Variants in SEPSECS observed in about 807,000 individuals in gnomAD.
SEPSECS encodes O-phosphoseryl-tRNA(Sec) selenium transferase.
In SEPSECS, 42 loss-of-function variants were observed where a neutral mutation model predicts 52.1. The observed-to-expected ratio is 0.81, with a 90% CI of 0.63 to 1.04. The LOEUF is 1.04. SEPSECS is among the 50% of genes least tolerant of loss of function. SEPSECS has a pLI of 0.00. For synonymous variants in SEPSECS, 216 were observed against 211.4 expected, an observed-to-expected ratio of 1.02 and a Z score of -0.19; for missense variants, 590 against 610.6, an observed-to-expected ratio of 0.97 and a Z score of 0.36.
Position 25,122,078 on chromosome 4 carries a change from C to A in SEPSECS, c.*1853G>T, listed in dbSNP as rs1164171998. Reference sequence around the variant, plus strand: ...GCTTTATTGGTTCAGCAATTTAGTCCCAAATTCTCATGAAAAATTTACACT... The same window carrying A: ...GCTTTATTGGTTCAGCAATTTAGTCACAAATTCTCATGAAAAATTTACACT... On this transcript the variant is annotated 3_prime_UTR_variant, in exon 11 of 11. Transcript: ENST00000382103. 1 of 152,072 alleles carries A rather than the reference C, an allele frequency of 6.6e-6. No individual in the cohort carries two copies. Among genetic ancestry groups the A allele is most frequent in the Non-Finnish European group, 1.5e-5 (1 of 67,978 alleles). 9.4% of individuals were successfully genotyped at this position (152,072 alleles called of 1,614,324 possible).
chr4:25,144,326 C>CA (rs34160695), intron 8 of SEPSECS, among the ~76,000 whole-genome samples: 43,461 of 83,628 alleles, frequency 0.52, 10,581 homozygotes, highest in Non-Finnish European at 0.61. Context: ...AGACTCCGCT[C>CA]AAAAAAAAAA....
intron 6 of SEPSECS, among the ~76,000 whole-genome samples, chr4:25,147,082 C>T (rs1017814350): frequency 6.6e-5 from 10 of 152,224 alleles, no homozygotes; most frequent in Non-Finnish European, 5.9e-5. Context: ...CTCACATATT[C>T]CAAGCACGCT....
chr4:25,141,186 T>C (rs568805744), intron 8 of SEPSECS, among the ~76,000 whole-genome samples: 1 of 152,278 alleles, frequency 6.6e-6, no homozygotes, highest in African/African-American at 2.4e-5. Flanking sequence ...ATTCTTGGTC[T>C]TCCTCCTCAC....
intron 8 of SEPSECS, among the ~76,000 whole-genome samples, chr4:25,141,484 C>T (rs918328459): frequency 4.6e-5 from 7 of 152,174 alleles, no homozygotes; most frequent in African/African-American, 1.4e-4. Context: ...CCTACAGCTT[C>T]CCCATCATAG....
At chr4:25,147,406 A>T (rs1712028794) in intron 6 of SEPSECS, among the ~76,000 whole-genome samples, 1 of 152,252 alleles carries the variant, frequency 6.6e-6, no homozygotes, top group Non-Finnish European at 1.5e-5. Flanking sequence ...GAACCCAGAA[A>T]GTATTTGTTG....
At position 25,156,196 on chromosome 4, in the gene SEPSECS, C is replaced by T. The variant is rs754373273; in HGVS notation, c.389-1G>A. The T allele has an allele frequency of 1.1e-5, 17 of 1,613,512 alleles. No individual in the cohort carries two copies. Among genetic ancestry groups the T allele is most frequent in the Non-Finnish European group, 1.4e-5 (17 of 1,179,708 alleles). Reference sequence around the variant, plus strand: ...AAGCAGTTGGCTACTGTATGGACACCTACAAATAAGAAGCAAAACAGAAAT... The same window carrying T: ...AAGCAGTTGGCTACTGTATGGACACTTACAAATAAGAAGCAAAACAGAAAT... On this transcript the variant is annotated splice_acceptor_variant, in intron 3 of 10. Transcript: ENST00000382103. LOFTEE classifies it high-confidence loss of function.
rs571175561 is a variant in SEPSECS, at chr4:25,159,726, C to G, written c.114+530G>C. The G allele has an allele frequency of 1.0e-4, 87 of 850,244 alleles. 1 individual carries two copies. In the African/African-American group the frequency reaches 1.5e-3, roughly 15 times the overall value. The allele number at this position is 850,244 out of a possible 1,614,324, so 52.7% of individuals were successfully genotyped here. A position where few individuals can be genotyped will look rare whatever the true frequency, so the allele number is the denominator to read the frequency against. ...GGCGGAGGCTGCAGTGAGCCGAGATCGTCACACTGCATTCCAGCCTGGGCG... is the reference window on the plus strand; with the variant it reads ...GGCGGAGGCTGCAGTGAGCCGAGATGGTCACACTGCATTCCAGCCTGGGCG... On this transcript the variant is annotated intron_variant, in intron 1 of 10. Coordinates refer to ENST00000382103, the MANE Select transcript of SEPSECS (RefSeq NM_016955.4).
intron 8 of SEPSECS, among the ~76,000 whole-genome samples, chr4:25,134,329 T>TGTGA (rs1375872991): frequency 6.7e-6 from 1 of 148,340 alleles, no homozygotes; most frequent in Non-Finnish European, 1.5e-5. Context: ...AATGTGTGTG[T>TGTGA]GTGTGTGTGT....
At chr4:25,157,881 C>T (rs1267475618) in intron 2 of SEPSECS, among the ~76,000 whole-genome samples, 3 of 152,088 alleles carry the variant, frequency 2.0e-5, no homozygotes, top group African/African-American at 7.2e-5. Context: ...CCTAATTCCA[C>T]ACTGGGCTAA....
At chr4:25,132,504 A>G (rs1728650181) in intron 8 of SEPSECS, among the ~76,000 whole-genome samples, 3 of 152,182 alleles carry the variant, frequency 2.0e-5, no homozygotes, top group South Asian at 2.1e-4. Flanking sequence ...TAAAAAAACA[A>G]TATTTATGCT....
rs34160695 is a variant in SEPSECS, at chr4:25,144,326, C to CAA, written c.1026+446_1026+447dup. 9.1e-3 allele frequency among the ~76,000 whole-genome samples: 765 copies of CAA among 83,700 alleles called. 21 individuals are homozygous for CAA. The highest frequency in any genetic ancestry group is 0.011 in the Non-Finnish European group (537 of 47,010). The allele number at this position is 83,700 out of a possible 152,430, so 54.9% of individuals were successfully genotyped here. A position where few individuals can be genotyped will look rare whatever the true frequency, so the allele number is the denominator to read the frequency against. ...TTGCACTCCAACCCAAGACTCCGCT[C>CAA]AAAAAAAAAAAAAAAAAAAAGATAG... On this transcript the variant is annotated intron_variant, in intron 8 of 10. Coordinates refer to ENST00000382103, the MANE Select transcript of SEPSECS (RefSeq NM_016955.4).
At chr4:25,149,704 A>T (rs1682494587) in intron 6 of SEPSECS, among the ~76,000 whole-genome samples, 1 of 152,214 alleles carries the variant, frequency 6.6e-6, no homozygotes, top group South Asian at 2.1e-4. Context: ...ACAGAAGAAG[A>T]GCAAGAGGGA....
rs1457201980 is a variant in SEPSECS at position 25,122,372 on chromosome 4, T to C, written c.*1559A>G. On this transcript the variant is annotated 3_prime_UTR_variant, in exon 11 of 11. Coordinates refer to ENST00000382103, the MANE Select transcript of SEPSECS (RefSeq NM_016955.4). ...AAAATACCAGAAAATCCCTTTCTCATACATAGGTTACAATTCCAAATCAAT... is the reference window on the plus strand; with the variant it reads ...AAAATACCAGAAAATCCCTTTCTCACACATAGGTTACAATTCCAAATCAAT... The C allele has an allele frequency of 2.0e-5, 3 of 152,172 alleles. No homozygotes were observed. Among genetic ancestry groups the C allele is most frequent in the African/African-American group, 7.2e-5 (3 of 41,458 alleles). The allele number at this position is 152,172 out of a possible 1,614,324, so 9.4% of individuals were successfully genotyped here.
At chr4:25,147,344 G>A (rs569153684) in intron 6 of SEPSECS, among the ~76,000 whole-genome samples, 33 of 152,282 alleles carry the variant, frequency 2.2e-4, no homozygotes, top group Admixed American at 1.4e-3. Flanking sequence ...AGATTTTGTT[G>A]GATTCACTAT....
intron 6 of SEPSECS, 134 bp from the exon 7 acceptor site, chr4:25,145,267 A>T: frequency 1.2e-6 from 1 of 846,910 alleles, no homozygotes; most frequent in Non-Finnish European, 1.9e-6. Context: ...ATTTTACAAT[A>T]TATACATGCA....
chr4:25,147,424 T>A (rs1212793728), intron 6 of SEPSECS, among the ~76,000 whole-genome samples: 1 of 152,226 alleles, frequency 6.6e-6, no homozygotes, highest in Non-Finnish European at 1.5e-5. Context: ...TTGAATGAAG[T>A]GACAATTGGG....
Position 25,156,025 on chromosome 4 carries a change from C to T in SEPSECS, c.547+12G>A. On this transcript the variant is annotated intron_variant, in intron 4 of 10. Transcript: ENST00000382103. ...ATGATGTTTAAAACATTATGTATGA[C>T]ACTTCTCTTACCTGCAGTGATCATG... 1 of 1,608,190 alleles carries T rather than the reference C, an allele frequency of 6.2e-7. No homozygotes were observed. Among genetic ancestry groups the T allele is most frequent in the Non-Finnish European group, 8.5e-7 (1 of 1,174,836 alleles).
At chr4:25,138,525 T>C (rs550771106) in intron 8 of SEPSECS, among the ~76,000 whole-genome samples, 1 of 150,190 alleles carries the variant, frequency 6.7e-6, no homozygotes, top group South Asian at 2.1e-4. Context: ...GAGTGCTCAA[T>C]ATAAAACAAA....
Position 25,151,973 on chromosome 4 carries a change from T to A in SEPSECS, c.791A>T (p.His264Leu), listed in dbSNP as rs377197666. 6.4e-7 allele frequency: 1 copy of A among 1,556,382 alleles called. No individual in the cohort carries two copies. The highest frequency in any genetic ancestry group is 8.9e-7 in the Non-Finnish European group (1 of 1,127,682). The change falls in exon 6 of 11, where the codon CAT (histidine) becomes CTT (leucine). Residue 264 changes from histidine (H) to leucine (L), a missense_variant. By Grantham distance (99) the His-to-Leu change is moderately conservative. Coordinates refer to ENST00000382103, the MANE Select transcript of SEPSECS (RefSeq NM_016955.4). Reference sequence around the variant, plus strand: ...AAACTCTCTTACCTGCTGAATGAGATGCATACACTTTGAAGACTGCACTCC... The same window carrying A: ...AAACTCTCTTACCTGCTGAATGAGAAGCATACACTTTGAAGACTGCACTCC... ...AYGVQSSKCM[H>L]LIQQGARVGR...
Sources: gnomAD v4.1 joint callset for allele counts (sites outside exome capture counted in the v4.1 genomes callset) on GRCh38, gnomAD v4.1.1 for gene constraint, MANE v1.5 for transcripts, NCBI Gene and HGNC (gene_info 2026-07-23, HGNC 2026-07-21) for gene names.